The following PAPLN variants were observed in gnomAD, a reference collection of about 807,000 sequenced individuals.
PAPLN encodes the protein papilin, proteoglycan like sulfated glycoprotein.
A neutral mutation model predicts 159.0 loss-of-function variants in PAPLN; 146 were observed. The observed-to-expected ratio is 0.92, with a 90% CI of 0.80 to 1.05. The LOEUF is 1.05. Ranked by LOEUF, PAPLN falls within the 50% of genes least tolerant of loss-of-function variation. The probability of loss-of-function intolerance (pLI) is 0.00; values close to 1 mark genes in which losing one functional copy is unlikely to be tolerated. For synonymous variants in PAPLN, 734 were observed against 702.9 expected (o/e 1.04, Z -0.70); for missense variants, 1,720 against 1,743.9 (o/e 0.99, Z 0.24).
intron 18 of PAPLN, chr14:73,262,133 G>A: frequency 1.9e-6 from 1 of 520,256 alleles, no homozygotes; most frequent in South Asian, 3.4e-5. Flanking sequence ...TGTGGGTGAA[G>A]GCTGCTGTGG....
rs549570739 is a variant in PAPLN at position 73,265,056 on chromosome 14, C to A, written c.3126-314C>A. ...AGTTTACAGAGGGGGTGTGGAGGAC[C>A]GGAGGGGGTGCCCAACTCAAAGACC... is the stretch of plus-strand genomic sequence containing the variant. On this transcript the variant is annotated intron_variant, in intron 22 of 26. Transcript: ENST00000644200. This position sits in a 1 kb window ranked among gnomAD's most constrained non-coding sequence, Gnocchi z 4.1. Among the ~76,000 whole-genome samples, 1 of 149,424 alleles carries A rather than the reference C, an allele frequency of 6.7e-6. No homozygotes were observed. Among genetic ancestry groups the A allele is most frequent in the Admixed American group, 6.7e-5 (1 of 14,992 alleles).
In PAPLN at chr14:73,246,280, T is replaced by A. The variant is rs560249196; in HGVS notation, c.334+105T>A. On this transcript the variant is annotated intron_variant, in intron 5 of 26. Transcript: ENST00000644200. ...GAGGCGTTGTCATATATATATATAT[T>A]AGAGACAGTCTCACTGTGTTGCCCA... 2.9e-5 allele frequency: 27 copies of A among 938,332 alleles called. 1 individual carries two copies. The South Asian group carries it at 4.8e-4, about 17-fold the overall frequency. The allele number at this position is 938,332 out of a possible 1,614,324, so 58.1% of individuals were successfully genotyped here.
chr14:73,239,944 G>C (rs1358863734), intron 2 of PAPLN, 112 bp downstream of exon 2: 1 of 1,443,466 alleles, frequency 6.9e-7, no homozygotes, highest in Admixed American at 2.5e-5. Flanking sequence ...AGGGAAGCTG[G>C]GCTGGGAGGA....
At position 73,254,976 on chromosome 14, in the gene PAPLN, G is replaced by C. The variant is rs1241474812; in HGVS notation, c.1585G>C (p.Asp529His). The change falls in exon 14 of 27, where the codon GAT (aspartate) becomes CAT (histidine). Residue 529 changes from aspartate to histidine, a missense_variant. Coordinates refer to ENST00000644200, the MANE Select transcript of PAPLN (RefSeq NM_001365906.3). ...CGSLQHSKPV[D>H]VEPCNTQPCH... The stretch of plus-strand genomic sequence containing the variant: ...GAGCCTGCAGCACTCCAAGCCTGTG[G>C]ATGTGGAGCCTTGTAACACGCAGCC... 3 of 1,613,738 alleles carry C rather than the reference G, an allele frequency of 1.9e-6. No individual in the cohort carries two copies. The East Asian group carries it at 6.7e-5, about 36-fold the overall frequency.
chr14:73,268,426 C>T (rs187445758), intron 25 of PAPLN, 131 bp from the exon 26 acceptor site: 2 of 928,138 alleles, frequency 2.2e-6, no homozygotes, highest in South Asian at 1.9e-5. Flanking sequence ...TGATTTCTCC[C>T]TGTCCTCCAC....
chr14:73,268,830 C>T (rs1887454725), intron 26 of PAPLN, 107 bp downstream of exon 26: 1 of 1,319,996 alleles, frequency 7.6e-7, no homozygotes, highest in East Asian at 2.7e-5. Context: ...AATCCTGGCT[C>T]ACCCTGCCAG....
chr14:73,264,763 G>T, intron 22 of PAPLN, 37 bp downstream of exon 22: 1 of 1,607,858 alleles, frequency 6.2e-7, no homozygotes, highest in Non-Finnish European at 8.5e-7. Flanking sequence ...CCTCCCCCAC[G>T]CCAGGGCCAG....
intron 2 of PAPLN, chr14:73,243,912 A>C (rs569801949): frequency 8.0e-4 from 121 of 152,176 alleles, no homozygotes; most frequent in African/African-American, 2.7e-3. Flanking sequence ...TTTCCAAGTT[A>C]CCTCACAGTC....
In PAPLN at chr14:73,239,832, G is replaced by C. The variant is rs1397573048; in HGVS notation, c.54G>C (p.Ser18=). The change falls in exon 2 of 27, where the codon TCG becomes TCC. Residue 18 remains serine (S), a splice_region_variant and synonymous_variant. Coordinates refer to ENST00000644200, the MANE Select transcript of PAPLN (RefSeq NM_001365906.3). ...PLLLAPAPGS[S]APKVRRQSDT... is the part of the protein sequence containing the mutation. ...TGCTGGCTCCAGCGCCCGGGTCCTC[G>C]GTGAGTGCGGTCCTGCCCCGGCCCC... 6.3e-7 allele frequency: 1 copy of C among 1,587,552 alleles called. No homozygotes were observed.
Position 73,246,093 on chromosome 14 carries a change from G to T in PAPLN, c.252G>T (p.Arg84=), listed in dbSNP as rs1376639674. ...CRTESCPDGA[R]DFRAEQCAEF... The stretch of plus-strand genomic sequence containing the variant: ...CGCAGAGCTGCCCCGACGGCGCCCG[G>T]GACTTCCGGGCCGAGCAGTGCGCGG... Residue 84 remains arginine, a synonymous_variant, in exon 5 of 27, where the codon CGG becomes CGT. Coordinates refer to ENST00000644200, the MANE Select transcript of PAPLN (RefSeq NM_001365906.3). 4 of 1,574,716 alleles carry T rather than the reference G, an allele frequency of 2.5e-6. No individual in the cohort carries two copies. The highest frequency in any genetic ancestry group is 1.2e-5 in the South Asian group (1 of 86,738).
chr14:73,237,852 C>T (rs1336401404), intron 1 of PAPLN, among the ~76,000 whole-genome samples: 6 of 152,102 alleles, frequency 3.9e-5, no homozygotes, highest in South Asian at 2.1e-4. Context: ...CGGCGCGCAC[C>T]CTCCGCCCGC....
rs144585855 is a variant in PAPLN at position 73,259,791 on chromosome 14, G to A, written c.1985+246G>A. On this transcript the variant is annotated intron_variant, in intron 16 of 26. Coordinates refer to ENST00000644200, the MANE Select transcript of PAPLN (RefSeq NM_001365906.3). ...CCCCACCTTACTGCAGAGTGTCAGC[G>A]TGTGGAAACACAGCCTGAGACTCCG... 2.9e-3 allele frequency among the ~76,000 whole-genome samples: 439 copies of A among 152,278 alleles called. 5 individuals are homozygous for A. Among genetic ancestry groups the A allele is most frequent in the South Asian group, 8.9e-3 (43 of 4,830 alleles).
At chr14:73,261,885 A>AGG (rs143875642) in intron 18 of PAPLN, among the ~76,000 whole-genome samples, 4,996 of 152,192 alleles carry the variant, frequency 0.033, 273 homozygotes, top group African/African-American at 0.11. Context: ...TGGGTGCTGG[A>AGG]GGTGGGCTCA....
chr14:73,263,092 C>G (rs1438440253), intron 19 of PAPLN: 1 of 404,306 alleles, frequency 2.5e-6, no homozygotes, highest in Non-Finnish European at 4.3e-6. Context: ...GCCAGTATAC[C>G]CCGGGGCCTG....
chr14:73,259,882 T>C (rs1165490101), intron 16 of PAPLN, among the ~76,000 whole-genome samples: 5 of 152,090 alleles, frequency 3.3e-5, no homozygotes, highest in Non-Finnish European at 7.4e-5. Context: ...CGGTAAAGGC[T>C]AGACGAGGGC....
At chr14:73,266,861 C>T (rs1887263272) in intron 25 of PAPLN, 30 bp downstream of exon 25, 1 of 1,574,982 alleles carries the variant, frequency 6.3e-7, no homozygotes, top group Non-Finnish European at 8.6e-7. Context: ...TTGTCCCTGT[C>T]CCCAGACCTT....
chr14:73,255,099 C>T lies in PAPLN; in HGVS notation c.1627+81C>T, dbSNP rs578051401. 1.1e-5 allele frequency: 17 copies of T among 1,513,546 alleles called. No homozygotes were observed. The East Asian group carries it at 1.5e-4, about 13-fold the overall frequency. The allele number at this position is 1,513,546 out of a possible 1,614,324, so 93.8% of individuals were successfully genotyped here. A position where few individuals can be genotyped will look rare whatever the true frequency, so the allele number is the denominator to read the frequency against. Reference sequence around the variant, plus strand: ...CAAACCCAGCAAGCATGTCCTGCCTCGGGGCCTCTGCCTGCACTGTGTCAT... The same window carrying T: ...CAAACCCAGCAAGCATGTCCTGCCTTGGGGCCTCTGCCTGCACTGTGTCAT... On this transcript the variant is annotated intron_variant, in intron 14 of 26. Coordinates refer to ENST00000644200, the MANE Select transcript of PAPLN (RefSeq NM_001365906.3).
In PAPLN at chr14:73,265,351, T is replaced by C. The variant is rs1474831601; in HGVS notation, c.3126-19T>C. The C allele has an allele frequency of 1.2e-6, 2 of 1,605,870 alleles. No homozygotes were observed. The stretch of plus-strand genomic sequence containing the variant: ...GCAACGGCAAGGGCCCCTCATGCTG[T>C]GGGCTGCTTGTTTGGCAGGCTGCGT... On this transcript the variant is annotated intron_variant, in intron 22 of 26. Transcript: ENST00000644200. This position sits in a 1 kb window ranked among gnomAD's most constrained non-coding sequence, Gnocchi z 4.1.
chr14:73,236,866 A>AGG, upstream of PAPLN, among the ~76,000 whole-genome samples: 4 of 138,264 alleles, frequency 2.9e-5, no homozygotes, highest in South Asian at 2.5e-4. Context: ...AAGAAAAGAA[A>AGG]GAGGAAGAAA....
Sources: gnomAD v4.1 joint callset for allele counts (sites outside exome capture counted in the v4.1 genomes callset) on GRCh38, gnomAD v4.1.1 for gene constraint, Gnocchi (gnomAD v3.1) non-coding constraint, MANE v1.5 for transcripts, NCBI Gene and HGNC (gene_info 2026-07-23, HGNC 2026-07-21) for gene names.